FBXL14: variants seen among roughly 807,000 people sequenced by gnomAD.
FBXL14 encodes the protein F-box and leucine rich repeat protein 14, also known as F-box/LRR-repeat protein 14.
Under a neutral mutation model 24.5 loss-of-function variants are expected in FBXL14, and 11 were observed. The observed-to-expected ratio is 0.45, with a 90% CI of 0.28 to 0.74. The LOEUF (loss-of-function observed/expected upper bound fraction) is 0.74, where lower values mean the gene tolerates loss of function less well. FBXL14 is among the 30% of genes least tolerant of loss of function. The probability of loss-of-function intolerance (pLI) is 0.12; values close to 1 mark genes in which losing one functional copy is unlikely to be tolerated. For missense variants in FBXL14, 384 were observed against 545.6 expected, an observed-to-expected ratio of 0.70 and a Z score of 2.95; for synonymous variants, 294 against 240.4, an observed-to-expected ratio of 1.22 and a Z score of -2.06.
chr12:1,594,736 C>G (rs1476257826), upstream of FBXL14, among the ~76,000 whole-genome samples: 2 of 149,756 alleles, frequency 1.3e-5, no homozygotes, highest in East Asian at 3.9e-4. Flanking sequence ...GCCGTCCGGC[C>G]GGAGCGCGGC....
rs1237032013 is a variant in FBXL14, at chr12:1,593,206, C to G, written c.861G>C (p.Ser287=). ...TCTGGTCTCCCACCTTGTCACAGAA[C>G]GAAACATCCAGCCCCGAGAGGCGCA... is the stretch of plus-strand genomic sequence containing the variant. ...GSLRLSGLDV[S]FCDKVGDQSL... Residue 287 remains serine, a synonymous_variant, in exon 1 of 2, where the codon TCG becomes TCC. Transcript: ENST00000339235. This position sits in a 1 kb window ranked among gnomAD's most constrained non-coding sequence, Gnocchi z 7.4. The G allele has an allele frequency of 1.2e-6, 2 of 1,613,156 alleles. No individual in the cohort carries two copies. The highest frequency in any genetic ancestry group is 1.1e-5 in the South Asian group (1 of 91,086).
chr12:1,592,157 GTAAAC>G (rs1297094979), intron 1 of FBXL14, among the ~76,000 whole-genome samples: 1 of 147,402 alleles, frequency 6.8e-6, no homozygotes, highest in Admixed American at 6.8e-5. Context: ...CAGAAAAAAA[GTAAAC>G]TAAAACGAGG....
chr12:1,592,319 T>C (rs956987359), intron 1 of FBXL14, among the ~76,000 whole-genome samples: 2 of 150,626 alleles, frequency 1.3e-5, no homozygotes, highest in East Asian at 3.9e-4. Flanking sequence ...GAACATGAAA[T>C]GAGCATGAAT....
At chr12:1,575,649 G>A (rs1023537326) in intron 1 of FBXL14, among the ~76,000 whole-genome samples, 5 of 152,170 alleles carry the variant, frequency 3.3e-5, no homozygotes, top group East Asian at 3.9e-4. Context: ...GATCCTTGCC[G>A]CAGGAGGTTG....
In FBXL14 at chr12:1,567,862, AAAG is replaced by A. The variant is rs777664717; in HGVS notation, c.1195-1055_1195-1053del. 2.6e-5 allele frequency among the ~76,000 whole-genome samples: 4 copies of A among 152,352 alleles called. No individual in the cohort carries two copies. Among genetic ancestry groups the A allele is most frequent in the African/African-American group, 9.6e-5 (4 of 41,582 alleles). ...AGAAACCTCCACATGTGAAAAGGGA[AAAG>A]AAAACCCACCCACACGCACACGCGC... On this transcript the variant is annotated intron_variant, in intron 1 of 1. Transcript: ENST00000339235. This position sits in a 1 kb window ranked among gnomAD's most constrained non-coding sequence, Gnocchi z 4.8.
rs1470630650 is a variant in FBXL14 at position 1,575,980 on chromosome 12, C to CATGG, written c.1195-9174_1195-9171dup. Among the ~76,000 whole-genome samples, 3 of 152,210 alleles carry CATGG rather than the reference C, an allele frequency of 2.0e-5. No individual in the cohort carries two copies. The East Asian group carries it at 5.8e-4, about 29-fold the overall frequency. ...CTGCCTGGATGTGTGTTTTTGTCCTCATGGAGATGCACATGACAAATTGTG... is the reference window on the plus strand; with the variant it reads ...CTGCCTGGATGTGTGTTTTTGTCCTCATGGATGGAGATGCACATGACAAATTGTG... On this transcript the variant is annotated intron_variant, in intron 1 of 1. Transcript: ENST00000339235.
rs1238835770 is a variant in FBXL14 at position 1,566,382 on chromosome 12, A to T, written c.*366T>A. 5.7e-6 allele frequency: 1 copy of T among 174,902 alleles called. No homozygotes were observed. Among genetic ancestry groups the T allele is most frequent in the African/African-American group, 2.4e-5 (1 of 42,226 alleles). 10.8% of individuals were successfully genotyped at this position (174,902 alleles called of 1,614,324 possible). A position where few individuals can be genotyped will look rare whatever the true frequency, so the allele number is the denominator to read the frequency against. ...ATATAATACCCCTGTACATAGATAT[A>T]TGTACACATGTATATATTTATATGT... On this transcript the variant is annotated 3_prime_UTR_variant, in exon 2 of 2. Coordinates refer to ENST00000339235, the MANE Select transcript of FBXL14 (RefSeq NM_152441.3).
At position 1,589,565 on chromosome 12, in the gene FBXL14, C is replaced by T. The variant is rs118132130; in HGVS notation, c.1194+3308G>A. ...CCTCACTTACTGGTTGGGTAACTTA[C>T]GGCAGGAATTATGACTTATCTGGAA... On this transcript the variant is annotated intron_variant, in intron 1 of 1. Transcript: ENST00000339235. 1.9e-3 allele frequency among the ~76,000 whole-genome samples: 293 copies of T among 152,010 alleles called. 2 individuals are homozygous for T. The highest frequency in any genetic ancestry group is 0.019 in the East Asian group (96 of 5,170).
chr12:1,585,397 CAAA>C (rs34371174), intron 1 of FBXL14, among the ~76,000 whole-genome samples: 5 of 93,836 alleles, frequency 5.3e-5, no homozygotes, highest in Admixed American at 1.3e-4. Flanking sequence ...GACTCCGTCT[CAAA>C]AAAAAAAAAA....
In FBXL14 at chr12:1,575,740, C is replaced by T. The variant is rs555053696; in HGVS notation, c.1195-8930G>A. On this transcript the variant is annotated intron_variant, in intron 1 of 1. Transcript: ENST00000339235. ...CTTAGGAAGGCACCTGGTGGTTTCT[C>T]GGTAGGAAAATAGTGTGGAGTGTGT... Among the ~76,000 whole-genome samples, 3 of 152,110 alleles carry T rather than the reference C, an allele frequency of 2.0e-5. No homozygotes were observed. The South Asian group carries it at 6.3e-4, about 32-fold the overall frequency.
chr12:1,574,397 TGGGGG>T (rs1565583096), intron 1 of FBXL14, among the ~76,000 whole-genome samples: 3 of 48,674 alleles, frequency 6.2e-5, no homozygotes, highest in South Asian at 7.2e-4. Context: ...GAGGCTGGGG[TGGGGG>T]AGGCTGGCGG....
chr12:1,575,878 C>T (rs894498939), intron 1 of FBXL14, among the ~76,000 whole-genome samples: 3 of 152,074 alleles, frequency 2.0e-5, no homozygotes, highest in African/African-American at 2.4e-5. Context: ...CTCTGAACTT[C>T]CTCCCTCCGC....
rs1171098700 is a variant in FBXL14, at chr12:1,567,250, G to A, written c.1195-440C>T. 1.3e-5 allele frequency among the ~76,000 whole-genome samples: 2 copies of A among 151,998 alleles called. No individual in the cohort carries two copies. Among genetic ancestry groups the A allele is most frequent in the Non-Finnish European group, 2.9e-5 (2 of 67,992 alleles). On this transcript the variant is annotated intron_variant, in intron 1 of 1. Transcript: ENST00000339235. This position sits in a 1 kb window ranked among gnomAD's most constrained non-coding sequence, Gnocchi z 4.8. ...GGTCGAAGCGGGCGGATCACCTGAG[G>A]TCAGGAGTTCGAGACCAGCCTGGCC... is the stretch of plus-strand genomic sequence containing the variant.
intron 1 of FBXL14, among the ~76,000 whole-genome samples, chr12:1,586,200 C>CT (rs2094476131): frequency 7.9e-6 from 1 of 126,512 alleles, no homozygotes; most frequent in African/African-American, 3.6e-5. Flanking sequence ...TTTTTTTTTA[C>CT]TCCTAATGAA....
rs2094436519 is a variant in FBXL14, at chr12:1,566,507, G to A, written c.*241C>T. 4 of 424,696 alleles carry A rather than the reference G, an allele frequency of 9.4e-6. No individual in the cohort carries two copies. The highest frequency in any genetic ancestry group is 1.7e-5 in the Non-Finnish European group (4 of 240,170). The allele number at this position is 424,696 out of a possible 1,614,324, so 26.3% of individuals were successfully genotyped here. The stretch of plus-strand genomic sequence containing the variant: ...AAAGCTGAACAGACTGAAAAAGCAA[G>A]TCTCCTTGGATCCATAAAGGAAGCG... On this transcript the variant is annotated 3_prime_UTR_variant, in exon 2 of 2. Coordinates refer to ENST00000339235, the MANE Select transcript of FBXL14 (RefSeq NM_152441.3).
chr12:1,589,250 A>C (rs2154438306), intron 1 of FBXL14, among the ~76,000 whole-genome samples: 1 of 149,746 alleles, frequency 6.7e-6, no homozygotes, highest in Middle Eastern at 3.4e-3. Flanking sequence ...AAAAAAAAAA[A>C]TAGCCAGCCA....
Position 1,570,757 on chromosome 12 carries a change from T to G in FBXL14, c.1195-3947A>C, listed in dbSNP as rs367627312. 3.9e-5 allele frequency among the ~76,000 whole-genome samples: 6 copies of G among 152,258 alleles called. No individual in the cohort carries two copies. In the South Asian group the frequency reaches 1.2e-3, roughly 32 times the overall value. ...CTTAGTCAGAACATACACTGAATAG[T>G]CAATGAATGAATCTTTGATGACGTG... On this transcript the variant is annotated intron_variant, in intron 1 of 1. Coordinates refer to ENST00000339235, the MANE Select transcript of FBXL14 (RefSeq NM_152441.3).
At chr12:1,594,688 A>T (rs564418172), upstream of FBXL14, among the ~76,000 whole-genome samples, 1 of 148,914 alleles carries the variant, frequency 6.7e-6, no homozygotes, top group Non-Finnish European at 1.5e-5. Flanking sequence ...GTCCGCGGCC[A>T]CTTGGGAGCT....
rs372960574 is a variant in FBXL14 at position 1,592,965 on chromosome 12, G to C, written c.1102C>G (p.Arg368Gly). Residue 368 changes from arginine (R) to glycine (G), a missense_variant, in exon 1 of 2, where the codon CGA becomes GGA. Coordinates refer to ENST00000339235, the MANE Select transcript of FBXL14 (RefSeq NM_152441.3). ...CGCTCCAGGCCGCGCTTGGTGATTCGGGTGCAGCCGTACAGGTCTATGCCG... is the reference window on the plus strand; with the variant it reads ...CGCTCCAGGCCGCGCTTGGTGATTCCGGTGCAGCCGTACAGGTCTATGCCG... ...LTGIDLYGCT[R>G]ITKRGLERIT... 1 of 1,613,190 alleles carries C rather than the reference G, an allele frequency of 6.2e-7. No homozygotes were observed. The highest frequency in any genetic ancestry group is 8.5e-7 in the Non-Finnish European group (1 of 1,179,796).
Sources: gnomAD v4.1 joint callset for allele counts (sites outside exome capture counted in the v4.1 genomes callset) on GRCh38, gnomAD v4.1.1 for gene constraint, Gnocchi (gnomAD v3.1) non-coding constraint, MANE v1.5 for transcripts, NCBI Gene and HGNC (gene_info 2026-07-23, HGNC 2026-07-21) for gene names.